The following SUGCT variants were observed in gnomAD, a reference collection of about 807,000 sequenced individuals.
The protein encoded by SUGCT is succinyl-CoA:glutarate CoA-transferase.
Under a neutral mutation model 55.0 loss-of-function variants are expected in SUGCT, and 41 were observed. The observed-to-expected ratio is 0.74, with a 90% CI of 0.58 to 0.97. SUGCT has a LOEUF of 0.97. Ranked by LOEUF, SUGCT falls within the 50% of genes least tolerant of loss-of-function variation. The probability of loss-of-function intolerance (pLI) is 0.00; values close to 1 mark genes in which losing one functional copy is unlikely to be tolerated. For missense variants in SUGCT, 568 were observed against 547.8 expected (o/e 1.04, Z -0.37); for synonymous variants, 187 against 200.4 (o/e 0.93, Z 0.56).
At chr7:40,340,981 T>C (rs1287349410) in intron 9 of SUGCT, among the ~76,000 whole-genome samples, 1 of 152,212 alleles carries the variant, frequency 6.6e-6, no homozygotes, top group Non-Finnish European at 1.5e-5. Context: ...TTCTGCCTGA[T>C]TGGCCTGATG....
chr7:41,038,136 A>G, the SUGCT span, among the ~76,000 whole-genome samples: 4 of 152,144 alleles, frequency 2.6e-5, no homozygotes, highest in Non-Finnish European at 5.9e-5. Context: ...TGGGCAGCTC[A>G]GGGCACCTGC....
In SUGCT at chr7:40,363,377, G is replaced by C. The variant is rs1311002479; in HGVS notation, c.816+46522G>C. Among the ~76,000 whole-genome samples the C allele has an allele frequency of 4.6e-4, 70 of 152,032 alleles. 1 individual carries two copies. Among genetic ancestry groups the C allele is most frequent in the Non-Finnish European group, 7.9e-4 (54 of 67,958 alleles). Reference sequence around the variant, plus strand: ...TAGCTTTTGAATGTGTTTGCTCTTGGTTTTCTAGTTCTTTTAATTGTGATG... The same window carrying C: ...TAGCTTTTGAATGTGTTTGCTCTTGCTTTTCTAGTTCTTTTAATTGTGATG... On this transcript the variant is annotated intron_variant, in intron 9 of 13. Transcript: ENST00000335693.
At chr7:40,860,211 C>G in intron 13 of SUGCT, 105 bp from the exon 14 acceptor site, 1 of 1,333,576 alleles carries the variant, frequency 7.5e-7, no homozygotes, top group Non-Finnish European at 1.1e-6. Flanking sequence ...AACTGGCACT[C>G]ATTGATATTT....
chr7:40,841,287 A>G (rs1793269756), intron 13 of SUGCT, among the ~76,000 whole-genome samples: 1 of 152,164 alleles, frequency 6.6e-6, no homozygotes, highest in Admixed American at 6.5e-5. Flanking sequence ...ATAAATCATT[A>G]TCTGAGACTA....
chr7:40,788,969 C>G (rs923091043), intron 13 of SUGCT, among the ~76,000 whole-genome samples: 1 of 152,170 alleles, frequency 6.6e-6, no homozygotes, highest in African/African-American at 2.4e-5. Flanking sequence ...TGTCACTACT[C>G]AGTTGGAGCC....
chr7:40,585,621 C>G lies in SUGCT; in HGVS notation c.1089+89235C>G, dbSNP rs189300591. ...CTCTTAGGCTCAACCCATCTTACCC[C>G]ACTTGGCCTCCTAAAGTGTTGGGAT... On this transcript the variant is annotated intron_variant, in intron 12 of 13. Coordinates refer to ENST00000335693, the MANE Select transcript of SUGCT (RefSeq NM_001193313.2). 9.9e-5 allele frequency among the ~76,000 whole-genome samples: 15 copies of G among 152,254 alleles called. No individual in the cohort carries two copies. In the East Asian group the frequency reaches 2.9e-3, roughly 29 times the overall value.
intron 7 of SUGCT, among the ~76,000 whole-genome samples, chr7:40,248,011 TTG>T (rs1336659978): frequency 2.2e-5 from 2 of 89,466 alleles, no homozygotes; most frequent in African/African-American, 4.1e-5. Flanking sequence ...TTTTGTTTTT[TTG>T]TTTTTTTTTT....
At chr7:41,036,107 T>C in the SUGCT span, among the ~76,000 whole-genome samples, 2 of 152,328 alleles carry the variant, frequency 1.3e-5, no homozygotes, top group Admixed American at 6.5e-5. Flanking sequence ...CTTGCTTACT[T>C]GACTGGTGCC....
chr7:40,742,206 T>TG (rs1787497540), intron 12 of SUGCT, among the ~76,000 whole-genome samples: 1 of 152,200 alleles, frequency 6.6e-6, no homozygotes, highest in African/African-American at 2.4e-5. Flanking sequence ...ATAGTTTTTT[T>TG]AAATTAGAGA....
At chr7:40,299,979 C>A (rs1468067228) in intron 8 of SUGCT, among the ~76,000 whole-genome samples, 3 of 152,070 alleles carry the variant, frequency 2.0e-5, no homozygotes, top group Admixed American at 1.3e-4. Context: ...ACTGACTAAA[C>A]CTGGCTTGCC....
At chr7:40,722,169 C>CA (rs1786375626) in intron 12 of SUGCT, among the ~76,000 whole-genome samples, 1 of 151,960 alleles carries the variant, frequency 6.6e-6, no homozygotes, top group Non-Finnish European at 1.5e-5. Flanking sequence ...ATTTTGCTAC[C>CA]AGTCAACTCT....
At position 40,606,300 on chromosome 7, in the gene SUGCT, T is replaced by A. The variant is rs577552943; in HGVS notation, c.1089+109914T>A. Among the ~76,000 whole-genome samples the A allele has an allele frequency of 3.6e-3, 545 of 152,304 alleles. 1 individual carries two copies. Among genetic ancestry groups the A allele is most frequent in the African/African-American group, 0.013 (522 of 41,554 alleles). ...AGAAGACTGAAAGTGTGGATGACACTGATAACAGGATGAGCTGAGAAAGGT... is the reference window on the plus strand; with the variant it reads ...AGAAGACTGAAAGTGTGGATGACACAGATAACAGGATGAGCTGAGAAAGGT... On this transcript the variant is annotated intron_variant, in intron 12 of 13. Coordinates refer to ENST00000335693, the MANE Select transcript of SUGCT (RefSeq NM_001193313.2).
chr7:40,228,130 G>T (rs993080799), intron 6 of SUGCT, among the ~76,000 whole-genome samples: 1 of 151,914 alleles, frequency 6.6e-6, no homozygotes, highest in African/African-American at 2.4e-5. Context: ...GATCCATCCC[G>T]CCTCCACCTC....
intron 12 of SUGCT, among the ~76,000 whole-genome samples, chr7:40,666,803 C>A (rs1405220867): frequency 6.6e-6 from 1 of 152,026 alleles, no homozygotes; most frequent in Non-Finnish European, 1.5e-5. Context: ...GTGGACACAA[C>A]AGATTAATAT....
intron 12 of SUGCT, among the ~76,000 whole-genome samples, chr7:40,724,866 A>T (rs1786533224): frequency 6.6e-6 from 1 of 152,156 alleles, no homozygotes; most frequent in South Asian, 2.1e-4. Flanking sequence ...AAACATTGCT[A>T]TTTAAGGTTT....
the SUGCT span, among the ~76,000 whole-genome samples, chr7:41,032,830 C>T: frequency 6.6e-6 from 1 of 152,182 alleles, no homozygotes; most frequent in Non-Finnish European, 1.5e-5. Context: ...GTGGTGAGAC[C>T]TTGGCTCACT....
chr7:40,576,336 C>G (rs929522639), intron 12 of SUGCT, among the ~76,000 whole-genome samples: 3 of 152,162 alleles, frequency 2.0e-5, no homozygotes, highest in Admixed American at 2.0e-4. Flanking sequence ...ACAAGGGAAG[C>G]AGGTTTTGAA....
the SUGCT span, among the ~76,000 whole-genome samples, chr7:41,018,987 C>T: frequency 2.4e-4 from 36 of 151,288 alleles, no homozygotes; most frequent in Admixed American, 1.2e-3. Flanking sequence ...CTCACTGCAA[C>T]CTCTGCCTCC....
At chr7:40,188,688 T>A in intron 4 of SUGCT, 108 bp downstream of exon 4, 2 of 616,198 alleles carry the variant, frequency 3.2e-6, no homozygotes, top group Non-Finnish European at 5.5e-6. Flanking sequence ...AATTAAGATG[T>A]AACTAATATT....
Sources: gnomAD v4.1 joint callset for allele counts (sites outside exome capture counted in the v4.1 genomes callset) on GRCh38, gnomAD v4.1.1 for gene constraint, MANE v1.5 for transcripts, NCBI Gene and HGNC (gene_info 2026-07-23, HGNC 2026-07-21) for gene names.